CACNA1A: variants seen among roughly 807,000 people sequenced by gnomAD.
CACNA1A encodes voltage-dependent P/Q-type calcium channel subunit alpha-1A.
CACNA1A carries 57 observed loss-of-function variants against 262.4 expected under a neutral mutation model. The ratio of observed to expected loss-of-function variants is 0.22; its 90% confidence interval spans 0.18 to 0.27. CACNA1A has a LOEUF of 0.27. CACNA1A is among the 10% of genes least tolerant of loss of function. The pLI is 1.00. For missense variants in CACNA1A, 2,526 were observed against 3,562.8 expected (o/e 0.71, Z 7.41); for synonymous variants, 1,431 against 1,419.3 (o/e 1.01, Z -0.18).
At chr19:13,454,991 A>G in intron 2 of CACNA1A, 116 bp downstream of exon 2, 6 of 613,522 alleles carry the variant, frequency 9.8e-6, no homozygotes, top group East Asian at 2.7e-5. Flanking sequence ...TAGGCTTCCC[A>G]TGATCTGGCT....
At chr19:13,380,745 G>A (rs1048714083) in intron 3 of CACNA1A, among the ~76,000 whole-genome samples, 9 of 142,886 alleles carry the variant, frequency 6.3e-5, no homozygotes, top group East Asian at 2.0e-4. Flanking sequence ...TTGTTTGTTT[G>A]TTTGTTTATT....
intron 6 of CACNA1A, among the ~76,000 whole-genome samples, chr19:13,357,746 G>A (rs912929631): frequency 6.6e-6 from 1 of 152,190 alleles, no homozygotes; most frequent in African/African-American, 2.4e-5. Context: ...GCTCACACCT[G>A]TAATCCTAGC....
intron 10 of CACNA1A, among the ~76,000 whole-genome samples, chr19:13,321,056 T>TA (rs1263934605): frequency 1.4e-5 from 2 of 144,372 alleles, no homozygotes; most frequent in Non-Finnish European, 3.0e-5. Context: ...TTTTTTGAGA[T>TA]AGAGTCTCAT....
chr19:13,235,777 G>C (rs1277272996), intron 31 of CACNA1A, 47 bp from the exon 32 acceptor site: 5 of 1,386,936 alleles, frequency 3.6e-6, no homozygotes, highest in Non-Finnish European at 5.1e-6. Context: ...ACCCCAAAAG[G>C]CTCAGAGCTG....
intron 3 of CACNA1A, among the ~76,000 whole-genome samples, chr19:13,402,915 T>TATAC (rs1416419043): frequency 1.6e-5 from 2 of 121,978 alleles, no homozygotes; most frequent in African/African-American, 3.2e-5. Context: ...TATATATATA[T>TATAC]ACTTGCAAGT....
At chr19:13,277,341 C>G (rs1304183977) in intron 22 of CACNA1A, 1 of 482,772 alleles carries the variant, frequency 2.1e-6, no homozygotes, top group African/African-American at 1.9e-5. Flanking sequence ...AATTGTCCAG[C>G]AGATGGCAGC....
At chr19:13,427,377 A>G (rs2060421069) in intron 3 of CACNA1A, among the ~76,000 whole-genome samples, 1 of 151,986 alleles carries the variant, frequency 6.6e-6, no homozygotes, top group South Asian at 2.1e-4. Context: ...ACTTGAACCC[A>G]GGAGGCGGAG....
intron 3 of CACNA1A, among the ~76,000 whole-genome samples, chr19:13,429,338 A>G (rs2144819163): frequency 6.6e-6 from 1 of 151,580 alleles, no homozygotes; most frequent in African/African-American, 2.4e-5. Flanking sequence ...CTCAGATGCC[A>G]CACGCTGCCT....
intron 3 of CACNA1A, among the ~76,000 whole-genome samples, chr19:13,414,761 C>T (rs1190347860): frequency 1.3e-5 from 2 of 151,730 alleles, no homozygotes; most frequent in Non-Finnish European, 2.9e-5. Flanking sequence ...AGTTAGAGAC[C>T]AGCCTGGGCA....
At chr19:13,497,522 ATATATATAT>A (rs1218960300) in intron 1 of CACNA1A, among the ~76,000 whole-genome samples, 1 of 1,050 alleles carries the variant, frequency 9.5e-4, no homozygotes, top group Non-Finnish European at 1.5e-3. Context: ...AAAAAAAAAA[ATATATATAT>A]ATATATATAT....
intron 10 of CACNA1A, among the ~76,000 whole-genome samples, chr19:13,319,201 A>G (rs2058194886): frequency 6.6e-6 from 1 of 152,126 alleles, no homozygotes. Context: ...GGCTTAAGAT[A>G]CCTTTTCTTA....
chr19:13,405,536 C>G (rs114820175), intron 3 of CACNA1A, among the ~76,000 whole-genome samples: 200 of 152,180 alleles, frequency 1.3e-3, no homozygotes, highest in African/African-American at 4.5e-3. Context: ...GCATTATTAT[C>G]AACAGTCTGT....
chr19:13,502,413 G>A (rs1359711742), intron 1 of CACNA1A, among the ~76,000 whole-genome samples: 12 of 152,182 alleles, frequency 7.9e-5, no homozygotes, highest in Non-Finnish European at 1.8e-4. Context: ...AGGGAGGGCT[G>A]GAAAGATGAC....
At chr19:13,383,870 C>A (rs1233678357) in intron 3 of CACNA1A, among the ~76,000 whole-genome samples, 3 of 152,188 alleles carry the variant, frequency 2.0e-5, no homozygotes, top group Non-Finnish European at 4.4e-5. Flanking sequence ...GGCTGGCGTG[C>A]AGTGCACAGT....
intron 3 of CACNA1A, among the ~76,000 whole-genome samples, chr19:13,431,344 A>G (rs1052722626): frequency 3.5e-4 from 53 of 152,014 alleles, no homozygotes; most frequent in African/African-American, 1.2e-3. Flanking sequence ...TTCTGGGTAG[A>G]TTCTGAAGGT....
At chr19:13,423,539 T>C (rs2060351396) in intron 3 of CACNA1A, among the ~76,000 whole-genome samples, 1 of 152,072 alleles carries the variant, frequency 6.6e-6, no homozygotes, top group South Asian at 2.1e-4. Flanking sequence ...TGAGACAAGG[T>C]CTTGCTCTGT....
chr19:13,328,112 C>T (rs190840715), intron 10 of CACNA1A, among the ~76,000 whole-genome samples: 242 of 152,144 alleles, frequency 1.6e-3, no homozygotes, highest in Admixed American at 3.5e-3. Context: ...GTTATGTTGC[C>T]CAGGCTGGTC....
rs1982998317 is a variant in CACNA1A at position 13,506,062 on chromosome 19, T to G, written c.163A>C (p.Arg55=). The G allele has an allele frequency of 6.2e-7, 1 of 1,613,826 alleles. No individual in the cohort carries two copies. Among genetic ancestry groups the G allele is most frequent in the Non-Finnish European group, 8.5e-7 (1 of 1,179,886 alleles). The change falls in exon 1 of 47, where the codon AGA becomes CGA. Residue 55 remains arginine (R), a synonymous_variant. Transcript: ENST00000360228. ...QRMYKQSMAQ[R]ARTMALYNPI... is the part of the protein sequence containing the mutation. Reference sequence around the variant, plus strand: ...TTGTAGAGTGCCATGGTCCGCGCTCTCTGCGCCATTGACTGCTTGTACATC... The same window carrying G: ...TTGTAGAGTGCCATGGTCCGCGCTCGCTGCGCCATTGACTGCTTGTACATC...
intron 6 of CACNA1A, among the ~76,000 whole-genome samples, chr19:13,351,604 G>A (rs1402379724): frequency 6.6e-6 from 1 of 152,196 alleles, no homozygotes; most frequent in Non-Finnish European, 1.5e-5. Flanking sequence ...CTGTTTCCCA[G>A]GTTCATATGA....
Sources: gnomAD v4.1 joint callset for allele counts (sites outside exome capture counted in the v4.1 genomes callset) on GRCh38, gnomAD v4.1.1 for gene constraint, MANE v1.5 for transcripts, NCBI Gene and HGNC (gene_info 2026-07-23, HGNC 2026-07-21) for gene names.